Variants in CFAP299 observed in about 807,000 individuals in gnomAD.
CFAP299 encodes the protein cilia and flagella associated protein 299, also known as cilia- and flagella-associated protein 299.
CFAP299 carries 21 observed loss-of-function variants against 27.0 expected under a neutral mutation model. That is an observed-to-expected ratio of 0.78 (90% CI 0.55 to 1.12). CFAP299 has a LOEUF of 1.12. Ranked by LOEUF, CFAP299 falls within the 50% of genes most tolerant of loss-of-function variation. CFAP299 has a pLI of 0.00. For missense variants in CFAP299, 310 were observed against 276.6 expected, an observed-to-expected ratio of 1.12 and a Z score of -0.86; for synonymous variants, 104 against 98.1, an observed-to-expected ratio of 1.06 and a Z score of -0.36.
chr4:80,950,114 CT>C (rs1737694526), intron 5 of CFAP299, among the ~76,000 whole-genome samples: 1 of 152,102 alleles, frequency 6.6e-6, no homozygotes, highest in Non-Finnish European at 1.5e-5. Context: ...AGAGAGCTCA[CT>C]TTCCCCCAGT....
intron 3 of CFAP299, among the ~76,000 whole-genome samples, chr4:80,727,110 A>G (rs1168585140): frequency 6.6e-6 from 1 of 152,098 alleles, no homozygotes; most frequent in African/African-American, 2.4e-5. Context: ...TAAATGTTTT[A>G]GGAAAAATAT....
intron 4 of CFAP299, among the ~76,000 whole-genome samples, chr4:80,939,061 T>C (rs1016376608): frequency 6.6e-6 from 1 of 152,190 alleles, no homozygotes; most frequent in African/African-American, 2.4e-5. Context: ...AATGTTCCCT[T>C]TGTAGATGAT....
chr4:80,591,325 GT>G (rs1560643244), intron 3 of CFAP299, among the ~76,000 whole-genome samples: 1 of 151,148 alleles, frequency 6.6e-6, no homozygotes, highest in African/African-American at 2.4e-5. Context: ...GGGTTTCACC[GT>G]TTTAGCCGGG....
At position 80,646,114 on chromosome 4, in the gene CFAP299, G is replaced by A. The variant is rs559119723; in HGVS notation, c.333+62931G>A. Among the ~76,000 whole-genome samples the A allele has an allele frequency of 2.5e-4, 38 of 152,262 alleles. 1 individual carries two copies. The highest frequency in any genetic ancestry group is 8.7e-4 in the African/African-American group (36 of 41,568). On this transcript the variant is annotated intron_variant, in intron 3 of 5. Coordinates refer to ENST00000358105, the MANE Select transcript of CFAP299 (RefSeq NM_152770.3). ...TAGTATCTTTGAACCACAAGTTAATGGAAATGAACAATTTAACTACCAAGC... is the reference window on the plus strand; with the variant it reads ...TAGTATCTTTGAACCACAAGTTAATAGAAATGAACAATTTAACTACCAAGC...
intron 3 of CFAP299, among the ~76,000 whole-genome samples, chr4:80,853,370 A>C (rs1054782364): frequency 6.6e-6 from 1 of 152,220 alleles, no homozygotes; most frequent in Admixed American, 6.6e-5. Context: ...TAAAGAAATA[A>C]GTACCAAGAT....
At chr4:80,490,120 T>A (rs1731039597) in intron 2 of CFAP299, among the ~76,000 whole-genome samples, 1 of 152,174 alleles carries the variant, frequency 6.6e-6, no homozygotes, top group Admixed American at 6.5e-5. Flanking sequence ...TCCTCCTAAT[T>A]GTAACTTGAC....
Position 80,768,981 on chromosome 4 carries a change from T to A in CFAP299, c.334-101012T>A, listed in dbSNP as rs573849433. Reference sequence around the variant, plus strand: ...GAGATGATTCAAGTAAAGCTTTATGTAAAAAGAAACCATGTGAGGTGCAGC... The same window carrying A: ...GAGATGATTCAAGTAAAGCTTTATGAAAAAAGAAACCATGTGAGGTGCAGC... On this transcript the variant is annotated intron_variant, in intron 3 of 5. Transcript: ENST00000358105. 2.6e-5 allele frequency among the ~76,000 whole-genome samples: 4 copies of A among 152,244 alleles called. No homozygotes were observed. In the East Asian group the frequency reaches 7.7e-4, roughly 29 times the overall value.
chr4:80,865,888 G>C (rs1732694009), intron 3 of CFAP299, among the ~76,000 whole-genome samples: 2 of 129,466 alleles, frequency 1.5e-5, no homozygotes, highest in South Asian at 5.5e-4. Flanking sequence ...TTGGACACAG[G>C]GTGGGGAACA....
At chr4:80,350,783 G>C (rs1209124498) in intron 1 of CFAP299, among the ~76,000 whole-genome samples, 1 of 152,076 alleles carries the variant, frequency 6.6e-6, no homozygotes, top group African/African-American at 2.4e-5. Flanking sequence ...GGGCCTGTTG[G>C]GGGTGGAGGG....
chr4:80,775,039 A>C (rs1726445740), intron 3 of CFAP299, among the ~76,000 whole-genome samples: 1 of 151,736 alleles, frequency 6.6e-6, no homozygotes, highest in Non-Finnish European at 1.5e-5. Context: ...CATGTACCCT[A>C]AAACTTAAAG....
intron 2 of CFAP299, among the ~76,000 whole-genome samples, chr4:80,518,995 G>A (rs1245747665): frequency 6.6e-6 from 1 of 152,040 alleles, no homozygotes; most frequent in Non-Finnish European, 1.5e-5. Flanking sequence ...AAGATATGTG[G>A]GCTGGAGTAC....
rs1363182830 is a variant in CFAP299, at chr4:80,869,748, G to A, written c.334-245G>A. On this transcript the variant is annotated intron_variant, in intron 3 of 5. Transcript: ENST00000358105. The stretch of plus-strand genomic sequence containing the variant: ...AGGATAGTCTCGATCTCCTTACCTC[G>A]TGATCTGCCCGCTTCGGCCTCCCAA... 3.9e-5 allele frequency among the ~76,000 whole-genome samples: 6 copies of A among 152,264 alleles called. No homozygotes were observed. The South Asian group carries it at 8.3e-4, about 21-fold the overall frequency.
chr4:80,818,941 G>A (rs1406903909), intron 3 of CFAP299, among the ~76,000 whole-genome samples: 2 of 152,122 alleles, frequency 1.3e-5, no homozygotes, highest in Non-Finnish European at 2.9e-5. Context: ...ACTTCTCAGT[G>A]TTATAAGCAG....
At chr4:80,663,967 C>G (rs575580488) in intron 3 of CFAP299, among the ~76,000 whole-genome samples, 1 of 152,220 alleles carries the variant, frequency 6.6e-6, no homozygotes, top group East Asian at 1.9e-4. Flanking sequence ...CCTTTGCCCA[C>G]TTTTTGATAA....
chr4:80,467,744 G>T (rs1729779374), intron 2 of CFAP299, among the ~76,000 whole-genome samples: 1 of 152,210 alleles, frequency 6.6e-6, no homozygotes, highest in Non-Finnish European at 1.5e-5. Flanking sequence ...CTAAGGCTGG[G>T]TAATTTATAA....
chr4:80,391,056 C>T (rs189232195), intron 2 of CFAP299, among the ~76,000 whole-genome samples: 87 of 151,468 alleles, frequency 5.7e-4, no homozygotes, highest in African/African-American at 2.0e-3. Context: ...TATATACACA[C>T]ATATATATAC....
At chr4:80,648,338 G>C (rs1420433753) in intron 3 of CFAP299, among the ~76,000 whole-genome samples, 1 of 152,124 alleles carries the variant, frequency 6.6e-6, no homozygotes, top group Non-Finnish European at 1.5e-5. Flanking sequence ...GCCTAGAAAA[G>C]GCCTTATTTA....
intron 3 of CFAP299, among the ~76,000 whole-genome samples, chr4:80,780,150 ACTT>A (rs1560747704): frequency 6.6e-6 from 1 of 151,850 alleles, no homozygotes; most frequent in Non-Finnish European, 1.5e-5. Flanking sequence ...TGCAAATCCT[ACTT>A]CTTCTTTAAA....
intron 2 of CFAP299, among the ~76,000 whole-genome samples, chr4:80,403,874 T>C (rs371890026): frequency 3.9e-5 from 6 of 152,222 alleles, no homozygotes; most frequent in East Asian, 3.8e-4. Context: ...TACTAGTAGA[T>C]AAATCACTTT....
Sources: gnomAD v4.1 joint callset for allele counts (sites outside exome capture counted in the v4.1 genomes callset) on GRCh38, gnomAD v4.1.1 for gene constraint, MANE v1.5 for transcripts, NCBI Gene and HGNC (gene_info 2026-07-23, HGNC 2026-07-21) for gene names.